The following SYNPR variants were observed in gnomAD, a reference collection of about 807,000 sequenced individuals.
The protein encoded by SYNPR is synaptoporin.
SYNPR carries 23 observed loss-of-function variants against 32.9 expected under a neutral mutation model. That is an observed-to-expected ratio of 0.70 (90% CI 0.50 to 0.99). The LOEUF (loss-of-function observed/expected upper bound fraction) is 0.99, where lower values mean the gene tolerates loss of function less well. SYNPR is among the 50% of genes least tolerant of loss of function. The pLI, the probability that SYNPR is intolerant of heterozygous loss-of-function variation, is 0.00. For synonymous variants in SYNPR, 146 were observed against 135.9 expected (o/e 1.07, Z -0.52); for missense variants, 318 against 349.3 (o/e 0.91, Z 0.71).
At chr3:63,392,671 CCAAAGGGAAACTGT>C (rs1249170971) in intron 2 of SYNPR, among the ~76,000 whole-genome samples, 1 of 152,130 alleles carries the variant, frequency 6.6e-6, no homozygotes, top group Non-Finnish European at 1.5e-5. Context: ...AATATCCAGC[CCAAAGGGAAACTGT>C]CATTTTTTTT....
intron 2 of SYNPR, among the ~76,000 whole-genome samples, chr3:63,386,867 T>A (rs1414361731): frequency 6.6e-6 from 1 of 152,212 alleles, no homozygotes; most frequent in African/African-American, 2.4e-5. Flanking sequence ...GCTAATGGTG[T>A]GGCTCAGGTC....
At chr3:63,460,295 C>T (rs1700558233) in intron 2 of SYNPR, among the ~76,000 whole-genome samples, 1 of 152,072 alleles carries the variant, frequency 6.6e-6, no homozygotes, top group Admixed American at 6.6e-5. Context: ...TCCTCAAATA[C>T]ACCAGGATCC....
chr3:63,563,279 A>G (rs1702723617), intron 4 of SYNPR, among the ~76,000 whole-genome samples: 1 of 152,272 alleles, frequency 6.6e-6, no homozygotes, highest in African/African-American at 2.4e-5. Context: ...ATCCCACTCC[A>G]TTAGATGACT....
At chr3:63,474,430 T>A (rs1559509868) in intron 2 of SYNPR, among the ~76,000 whole-genome samples, 1 of 152,092 alleles carries the variant, frequency 6.6e-6, no homozygotes, top group African/African-American at 2.4e-5. Flanking sequence ...AATAAGTGAG[T>A]AAGTAATTGA....
chr3:63,542,578 AG>A (rs1374650100), intron 3 of SYNPR, among the ~76,000 whole-genome samples: 1 of 152,126 alleles, frequency 6.6e-6, no homozygotes, highest in African/African-American at 2.4e-5. Context: ...AAATGGTCAA[AG>A]ACCAAGGAGC....
intron 1 of SYNPR, among the ~76,000 whole-genome samples, chr3:63,240,602 C>T (rs564753355): frequency 6.6e-6 from 1 of 152,150 alleles, no homozygotes; most frequent in Admixed American, 6.5e-5. Context: ...AATTACTTCA[C>T]CCAAGGGGAC....
chr3:63,223,289 C>G, the SYNPR span, among the ~76,000 whole-genome samples: 680 of 125,024 alleles, frequency 5.4e-3, 4 homozygotes, highest in Non-Finnish European at 9.3e-3. Context: ...TACCAAAGAC[C>G]CTGAGGTTTT....
chr3:63,364,673 C>G, intron 2 of SYNPR, among the ~76,000 whole-genome samples: 1 of 152,126 alleles, frequency 6.6e-6, no homozygotes, highest in Non-Finnish European at 1.5e-5. Flanking sequence ...TTGGTCCTGA[C>G]CTATTCACTG....
chr3:63,515,395 A>G (rs778449009), intron 3 of SYNPR, among the ~76,000 whole-genome samples: 96 of 152,136 alleles, frequency 6.3e-4, no homozygotes, highest in Non-Finnish European at 1.1e-3. Context: ...CTTTGAAGAC[A>G]CTAGGTGCTA....
At chr3:63,470,479 A>C (rs1001324594) in intron 2 of SYNPR, among the ~76,000 whole-genome samples, 1 of 152,220 alleles carries the variant, frequency 6.6e-6, no homozygotes, top group Non-Finnish European at 1.5e-5. Context: ...TTAAATTTCA[A>C]TTGATAGGCA....
Position 63,615,309 on chromosome 3 carries a change from G to T in SYNPR, c.686G>T (p.Arg229Ile), listed in dbSNP as rs756599070. The change falls in exon 6 of 6, where the codon AGA becomes ATA. Residue 229 changes from arginine (R) to isoleucine (I), a missense_variant. Arg to Ile is a moderately conservative substitution (Grantham distance 97, BLOSUM62 -3). Transcript: ENST00000478300. ...KETGWHSSGQ[R>I]YLSDPMEKHS... ...ACCGGCTGGCATTCTTCGGGACAGA[G>T]ATATCTTTCAGATCCAATGGAGAAG... The T allele has an allele frequency of 6.2e-7, 1 of 1,613,754 alleles. No homozygotes were observed. Among genetic ancestry groups the T allele is most frequent in the African/African-American group, 1.3e-5 (1 of 74,892 alleles).
At chr3:63,502,760 T>C (rs943442528) in intron 3 of SYNPR, among the ~76,000 whole-genome samples, 1 of 152,064 alleles carries the variant, frequency 6.6e-6, no homozygotes, top group Non-Finnish European at 1.5e-5. Context: ...TAATATTCCA[T>C]TGGATGTAGC....
intron 2 of SYNPR, among the ~76,000 whole-genome samples, chr3:63,468,747 G>A (rs1700736681): frequency 6.6e-6 from 1 of 152,134 alleles, no homozygotes; most frequent in South Asian, 2.1e-4. Context: ...TTTACAGTGA[G>A]CCAAGAACAT....
chr3:63,285,754 G>C (rs2086674571), intron 2 of SYNPR, among the ~76,000 whole-genome samples: 1 of 152,252 alleles, frequency 6.6e-6, no homozygotes. Flanking sequence ...TTTTTTACTA[G>C]CTTTGTTACC....
chr3:63,486,342 A>C (rs1007724895), intron 3 of SYNPR, among the ~76,000 whole-genome samples: 2 of 152,214 alleles, frequency 1.3e-5, no homozygotes, highest in Admixed American at 1.3e-4. Flanking sequence ...TGTGAGTTGG[A>C]GGATGACAAT....
chr3:63,329,594 A>G lies in SYNPR; in HGVS notation c.84+50852A>G, dbSNP rs567417964. Among the ~76,000 whole-genome samples the G allele has an allele frequency of 8.8e-4, 134 of 152,322 alleles. 1 individual carries two copies. Among genetic ancestry groups the G allele is most frequent in the Non-Finnish European group, 1.7e-3 (114 of 68,018 alleles). ...GAGAGGACTATGCTCTCTGATGACT[A>G]GTAATGTTGGCCATACGTCTTAAGA... On this transcript the variant is annotated intron_variant, in intron 2 of 5. Transcript: ENST00000478300.
intron 2 of SYNPR, among the ~76,000 whole-genome samples, chr3:63,300,880 G>A (rs1293449158): frequency 2.0e-5 from 3 of 151,986 alleles, no homozygotes; most frequent in Non-Finnish European, 4.4e-5. Flanking sequence ...ACTAGAATCT[G>A]TCTCAGGATT....
At chr3:63,371,084 T>C (rs2107051910) in intron 2 of SYNPR, among the ~76,000 whole-genome samples, 1 of 152,082 alleles carries the variant, frequency 6.6e-6, no homozygotes, top group South Asian at 2.1e-4. Flanking sequence ...AAGAGAGGAA[T>C]GAGACAAGAC....
chr3:63,245,719 G>A (rs1029232775), intron 1 of SYNPR, among the ~76,000 whole-genome samples: 54 of 121,996 alleles, frequency 4.4e-4, no homozygotes, highest in Admixed American at 9.6e-4. Flanking sequence ...GAGTGTGTGT[G>A]TGTGTGTGTG....
Sources: gnomAD v4.1 joint callset for allele counts (sites outside exome capture counted in the v4.1 genomes callset) on GRCh38, gnomAD v4.1.1 for gene constraint, MANE v1.5 for transcripts, NCBI Gene and HGNC (gene_info 2026-07-23, HGNC 2026-07-21) for gene names.